Variants in KNL1 observed in about 807,000 individuals in gnomAD.
KNL1 encodes outer kinetochore KNL1 complex subunit KNL1.
KNL1 carries 66 observed loss-of-function variants against 201.3 expected under a neutral mutation model. The ratio of observed to expected loss-of-function variants is 0.33; its 90% CI spans 0.27 to 0.40. KNL1 has a LOEUF of 0.40. Ranked by LOEUF, KNL1 falls within the 10% of genes least tolerant of loss-of-function variation. KNL1 has a pLI of 1.00. For missense variants in KNL1, 2,815 were observed against 2,690.5 expected, an observed-to-expected ratio of 1.05 and a Z score of -1.02; for synonymous variants, 895 against 899.2, an observed-to-expected ratio of 1.00 and a Z score of 0.08.
chr15:40,659,203 T>G, intron 24 of KNL1, 136 bp from the exon 25 acceptor site: 1 of 537,542 alleles, frequency 1.9e-6, no homozygotes, highest in South Asian at 2.1e-5. Context: ...AGGTGGAGGT[T>G]GCAGTGAGCC....
rs1386717334 is a variant in KNL1, at chr15:40,662,199, C to T, written c.*11C>T. 2.1e-6 allele frequency: 3 copies of T among 1,431,138 alleles called. No individual in the cohort carries two copies. Among genetic ancestry groups the T allele is most frequent in the East Asian group, 2.3e-5 (1 of 44,020 alleles). The allele number at this position is 1,431,138 out of a possible 1,614,324, so 88.7% of individuals were successfully genotyped here. A position where few individuals can be genotyped will look rare whatever the true frequency, so the allele number is the denominator to read the frequency against. Reference sequence around the variant, plus strand: ...CATTTCTACCACTAGACCCTTGGACCACCATTGGAACAACCAAGCAGAATG... The same window carrying T: ...CATTTCTACCACTAGACCCTTGGACTACCATTGGAACAACCAAGCAGAATG... On this transcript the variant is annotated 3_prime_UTR_variant, in exon 26 of 26. Coordinates refer to ENST00000399668, the MANE Select transcript of KNL1 (RefSeq NM_144508.5).
In KNL1 at chr15:40,656,536, T is replaced by C. The variant is rs536561793; in HGVS notation, c.6485-506T>C. 2.0e-5 allele frequency among the ~76,000 whole-genome samples: 3 copies of C among 152,346 alleles called. No homozygotes were observed. The East Asian group carries it at 5.8e-4, about 29-fold the overall frequency. The stretch of plus-strand genomic sequence containing the variant: ...CTATATGTGATAAAGTCTTGAGTTT[T>C]TGTAGAAATGTCCTATCTTCACCAT... On this transcript the variant is annotated intron_variant, in intron 22 of 25. Coordinates refer to ENST00000399668, the MANE Select transcript of KNL1 (RefSeq NM_144508.5).
chr15:40,629,380 A>C lies in KNL1; in HGVS notation c.5682+9A>C, dbSNP rs555486549. On this transcript the variant is annotated intron_variant, in intron 13 of 25. Transcript: ENST00000399668. Reference sequence around the variant, plus strand: ...GCAATCTCCCAGGCAATGTAAGTGCAGTTTCTTGGCAAAATGTTTGCATCA... The same window carrying C: ...GCAATCTCCCAGGCAATGTAAGTGCCGTTTCTTGGCAAAATGTTTGCATCA... 2 of 1,549,454 alleles carry C rather than the reference A, an allele frequency of 1.3e-6. No homozygotes were observed. Among genetic ancestry groups the C allele is most frequent in the Non-Finnish European group, 1.7e-6 (2 of 1,143,530 alleles).
chr15:40,621,879 G>C lies in KNL1; in HGVS notation c.1615G>C (p.Val539Leu), dbSNP rs370383967. Residue 539 changes from valine to leucine, a missense_variant, in exon 10 of 26, where the codon GTT (valine) becomes CTT (leucine). Around this residue, in one of 3 missense-constraint regions of KNL1, gnomAD observed 2,464 missense variants for 2,291.7 expected, o/e 1.08. Transcript: ENST00000399668. ...DGKMNVNCNS[V>L]PHVSKERIQQ... is the part of the protein sequence containing the mutation. Reference sequence around the variant, plus strand: ...GAAAATGAATGTAAATTGTAACTCAGTTCCTCATGTATCTAAGGAAAGAAT... The same window carrying C: ...GAAAATGAATGTAAATTGTAACTCACTTCCTCATGTATCTAAGGAAAGAAT... 7.4e-6 allele frequency: 12 copies of C among 1,613,992 alleles called. No individual in the cohort carries two copies. Among genetic ancestry groups the C allele is most frequent in the Non-Finnish European group, 1.0e-5 (12 of 1,179,908 alleles).
At chr15:40,647,702 A>G (rs1181122377) in intron 17 of KNL1, among the ~76,000 whole-genome samples, 2 of 152,190 alleles carry the variant, frequency 1.3e-5, no homozygotes, top group East Asian at 3.8e-4. Context: ...TTTCTCAAAG[A>G]TCACATAATT....
chr15:40,648,284 T>G (rs1439662985), intron 17 of KNL1, among the ~76,000 whole-genome samples: 1 of 152,128 alleles, frequency 6.6e-6, no homozygotes, highest in Non-Finnish European at 1.5e-5. Context: ...AACAAGAGAT[T>G]AGCTCAGCGT....
In KNL1 at chr15:40,622,036, A is replaced by G. The variant is rs372098132; in HGVS notation, c.1772A>G (p.Tyr591Cys). 8 of 1,614,074 alleles carry G rather than the reference A, an allele frequency of 5.0e-6. No individual in the cohort carries two copies. The South Asian group carries it at 8.8e-5, about 18-fold the overall frequency. ...GGAAGTCAGGTTCCTCTTGCAGCTT[A>G]TAATCTAGCACCGGAGAGTACCAGT... ...NLGSQVPLAA[Y>C]NLAPESTSES... is the part of the protein sequence containing the mutation. The change falls in exon 10 of 26, where the codon TAT becomes TGT. Residue 591 changes from tyrosine (Y) to cysteine (C), a missense_variant. Transcript: ENST00000399668.
At position 40,608,880 on chromosome 15, in the gene KNL1, C is replaced by T. The variant is rs750485346; in HGVS notation, c.169C>T (p.Arg57Cys). The stretch of plus-strand genomic sequence containing the variant: ...TGCTTTGAGAAATAAGAAAAACTCT[C>T]GTCGAGTCAGCTTTGCAGATACTAT... The part of the protein sequence containing the change: ...SNALRNKKNS[R>C]RVSFADTIKV... The change falls in exon 5 of 26, where the codon CGT becomes TGT. Residue 57 changes from arginine to cysteine, a missense_variant. Around this residue, in one of 3 missense-constraint regions of KNL1, gnomAD observed 2,464 missense variants for 2,291.7 expected, o/e 1.08. Coordinates refer to ENST00000399668, the MANE Select transcript of KNL1 (RefSeq NM_144508.5). The T allele has an allele frequency of 5.6e-6, 9 of 1,611,112 alleles. No individual in the cohort carries two copies. The highest frequency in any genetic ancestry group is 5.0e-5 in the Admixed American group (3 of 59,956).
chr15:40,629,681 T>C (rs1892857804), intron 13 of KNL1, among the ~76,000 whole-genome samples: 1 of 151,758 alleles, frequency 6.6e-6, no homozygotes, highest in Non-Finnish European at 1.5e-5. Context: ...TTTTTGTATT[T>C]TTGTAGAGAC....
chr15:40,627,826 A>G lies in KNL1; in HGVS notation c.5377-244A>G, dbSNP rs558981482. ...TGATAGCTTACAGGATCTGATTATAACTTAGATATATAATGAGAAATAATT... is the reference window on the plus strand; with the variant it reads ...TGATAGCTTACAGGATCTGATTATAGCTTAGATATATAATGAGAAATAATT... On this transcript the variant is annotated intron_variant, in intron 10 of 25. Transcript: ENST00000399668. Among the ~76,000 whole-genome samples the G allele has an allele frequency of 1.8e-4, 28 of 152,290 alleles. No individual in the cohort carries two copies. The South Asian group carries it at 5.8e-3, about 32-fold the overall frequency.
In KNL1 at chr15:40,657,389, G is replaced by A; in HGVS notation, c.6629G>A (p.Cys2210Tyr). ...GAATTCTCACTGGTAGTGCACCATT[G>A]CAGACTCCTTGGAGAGGAGATTGAG... ...LEEFSLVVHH[C>Y]RLLGEEIEYL... Residue 2210 changes from cysteine (C) to tyrosine (Y), a missense_variant, in exon 24 of 26, where the codon TGC becomes TAC. Cys to Tyr is a radical substitution (Grantham distance 194). This residue lies in a region of KNL1 where 334 missense variants were observed against 362.6 expected (regional missense o/e 0.92). Coordinates refer to ENST00000399668, the MANE Select transcript of KNL1 (RefSeq NM_144508.5). The A allele has an allele frequency of 6.2e-7, 1 of 1,608,190 alleles. No homozygotes were observed. The highest frequency in any genetic ancestry group is 8.5e-7 in the Non-Finnish European group (1 of 1,174,600).
At chr15:40,600,359 G>A (rs1891754884) in intron 1 of KNL1, among the ~76,000 whole-genome samples, 1 of 152,208 alleles carries the variant, frequency 6.6e-6, no homozygotes, top group Non-Finnish European at 1.5e-5. Flanking sequence ...ACAGGCATGG[G>A]CCACCACGCC....
intron 13 of KNL1, among the ~76,000 whole-genome samples, chr15:40,630,332 T>A (rs548204858): frequency 2.6e-5 from 4 of 152,144 alleles, no homozygotes; most frequent in African/African-American, 9.7e-5. Flanking sequence ...ATAAATTTTT[T>A]AAAATGGAGG....
At chr15:40,620,216 ATTT>A (rs11458507) in intron 9 of KNL1, among the ~76,000 whole-genome samples, 29 of 148,528 alleles carry the variant, frequency 2.0e-4, no homozygotes, top group South Asian at 4.3e-4. Context: ...GCCTAGAATA[ATTT>A]TTTTTTTTTT....
chr15:40,599,780 C>T (rs1891731388), intron 1 of KNL1, among the ~76,000 whole-genome samples: 1 of 143,812 alleles, frequency 7.0e-6, no homozygotes, highest in Non-Finnish European at 1.5e-5. Context: ...GATATTAAAC[C>T]GATTATGTAT....
intron 19 of KNL1, among the ~76,000 whole-genome samples, chr15:40,650,999 T>G (rs184711379): frequency 4.5e-4 from 69 of 151,892 alleles, no homozygotes; most frequent in Non-Finnish European, 8.7e-4. Context: ...TGGCTGAAAT[T>G]AAATTGATGC....
rs1892737938 is a variant in KNL1, at chr15:40,625,885, AAGT to A, written c.5376+248_5376+250del. On this transcript the variant is annotated intron_variant, in intron 10 of 25. Coordinates refer to ENST00000399668, the MANE Select transcript of KNL1 (RefSeq NM_144508.5). Reference sequence around the variant, plus strand: ...AAAATTAAATGGAAAATTGTACAAAAAGTAGCCAAAGTTAAAATTGTATAATTT... The same window carrying A: ...AAAATTAAATGGAAAATTGTACAAAAAGCCAAAGTTAAAATTGTATAATTT... 50 of 415,238 alleles carry A rather than the reference AAGT, an allele frequency of 1.2e-4. 2 individuals carry two copies. The South Asian group carries it at 1.4e-3, about 12-fold the overall frequency. 25.7% of individuals were successfully genotyped at this position (415,238 alleles called of 1,614,324 possible). A position where few individuals can be genotyped will look rare whatever the true frequency, so the allele number is the denominator to read the frequency against.
At chr15:40,658,939 A>AAAAG (rs10674262) in intron 24 of KNL1, among the ~76,000 whole-genome samples, 56,208 of 147,932 alleles carry the variant, frequency 0.38, 10,809 homozygotes, top group Middle Eastern at 0.46. Context: ...CAAAAAAAAA[A>AAAAG]AAAGAAAAAG....
intron 6 of KNL1, 39 bp downstream of exon 6, chr15:40,610,336 TA>T: frequency 9.4e-7 from 1 of 1,065,268 alleles, no homozygotes; most frequent in Non-Finnish European, 1.4e-6. Flanking sequence ...ATCTGCTTTT[TA>T]AAAAATTTTA....
Sources: gnomAD v4.1 joint callset for allele counts (sites outside exome capture counted in the v4.1 genomes callset) on GRCh38, gnomAD v4.1.1 for gene constraint, gnomAD v4.1.1 regional missense constraint, MANE v1.5 for transcripts, NCBI Gene and HGNC (gene_info 2026-07-23, HGNC 2026-07-21) for gene names.